SPECC1: variants seen among roughly 807,000 people sequenced by gnomAD.
SPECC1 encodes cytospin-B.
SPECC1 carries 62 observed loss-of-function variants against 104.1 expected under a neutral mutation model. That is an observed-to-expected ratio of 0.60 (90% CI 0.49 to 0.74). The LOEUF (loss-of-function observed/expected upper bound fraction) is 0.74. SPECC1 is among the 30% of genes least tolerant of loss of function. The pLI is 0.00. For missense variants in SPECC1, 1,306 were observed against 1,310.5 expected (o/e 1.00, Z 0.05); for synonymous variants, 513 against 501.6 (o/e 1.02, Z -0.30).
At chr17:20,276,499 A>G (rs1258091526) in intron 12 of SPECC1, among the ~76,000 whole-genome samples, 1 of 152,204 alleles carries the variant, frequency 6.6e-6, no homozygotes, top group Non-Finnish European at 1.5e-5. Context: ...TGTAATCTGA[A>G]AATTCCTCTA....
At chr17:20,076,117 A>G (rs956678549) in intron 1 of SPECC1, among the ~76,000 whole-genome samples, 2 of 152,156 alleles carry the variant, frequency 1.3e-5, no homozygotes, top group Non-Finnish European at 2.9e-5. Context: ...ACCCTGTTCT[A>G]AAAAAATTAT....
intron 12 of SPECC1, among the ~76,000 whole-genome samples, chr17:20,291,075 C>T (rs1339366126): frequency 6.6e-6 from 1 of 152,154 alleles, no homozygotes; most frequent in Non-Finnish European, 1.5e-5. Flanking sequence ...GAACCTGGCC[C>T]GTTTGGATGC....
chr17:20,149,780 G>A (rs1166863986), intron 3 of SPECC1, among the ~76,000 whole-genome samples: 9 of 151,898 alleles, frequency 5.9e-5, no homozygotes, highest in Admixed American at 3.3e-4. Flanking sequence ...GCTTTCTAGC[G>A]GAGTAAACTT....
At chr17:20,108,961 TA>T (rs1467200441) in intron 2 of SPECC1, among the ~76,000 whole-genome samples, 1 of 152,196 alleles carries the variant, frequency 6.6e-6, no homozygotes, top group East Asian at 1.9e-4. Flanking sequence ...TGCTTTCTTC[TA>T]TTTTCCAGCC....
chr17:20,226,742 G>T (rs2038232336), intron 4 of SPECC1, among the ~76,000 whole-genome samples: 1 of 152,206 alleles, frequency 6.6e-6, no homozygotes, highest in East Asian at 1.9e-4. Flanking sequence ...TTCTGTGTAT[G>T]TACGTTTTTG....
rs919549374 is a variant in SPECC1 at position 20,100,387 on chromosome 17, C to G, written c.147+3589C>G. Among the ~76,000 whole-genome samples, 5 of 152,140 alleles carry G rather than the reference C, an allele frequency of 3.3e-5. No homozygotes were observed. In the South Asian group the frequency reaches 8.3e-4, roughly 25 times the overall value. On this transcript the variant is annotated intron_variant, in intron 2 of 14. Coordinates refer to ENST00000395527, the MANE Select transcript of SPECC1 (RefSeq NM_001243439.2). ...GAGAGAAAGAGGAAATGGTGGTGGACAAAAAAGCAAGTAATTTTCCCTCCC... is the reference window on the plus strand; with the variant it reads ...GAGAGAAAGAGGAAATGGTGGTGGAGAAAAAAGCAAGTAATTTTCCCTCCC...
chr17:20,079,948 G>A (rs958765419), intron 1 of SPECC1, among the ~76,000 whole-genome samples: 5 of 152,040 alleles, frequency 3.3e-5, no homozygotes, highest in Admixed American at 3.3e-4. Context: ...CCCTTTCTCC[G>A]CACCCCTACC....
chr17:20,251,709 T>C (rs2039639625), intron 9 of SPECC1, among the ~76,000 whole-genome samples: 1 of 152,204 alleles, frequency 6.6e-6, no homozygotes. Context: ...AGAGAATCAG[T>C]AAAATAAATT....
chr17:20,179,038 A>G (rs2034674377), intron 3 of SPECC1, among the ~76,000 whole-genome samples: 2 of 152,232 alleles, frequency 1.3e-5, no homozygotes, highest in African/African-American at 2.4e-5. Context: ...ACTAATATAA[A>G]TCTTCTGTAT....
intron 2 of SPECC1, among the ~76,000 whole-genome samples, chr17:20,098,643 C>T (rs1473401935): frequency 1.3e-5 from 2 of 152,226 alleles, no homozygotes; most frequent in African/African-American, 2.4e-5. Flanking sequence ...AGCTGTCCTT[C>T]GGATTGCCAG....
At chr17:20,182,158 G>C (rs1317229660) in intron 3 of SPECC1, among the ~76,000 whole-genome samples, 1 of 127,446 alleles carries the variant, frequency 7.8e-6, no homozygotes, top group Admixed American at 9.1e-5. Context: ...CACTTTCCCA[G>C]GCTGGAGTGC....
At chr17:20,198,920 G>T (rs1009138981) in intron 3 of SPECC1, among the ~76,000 whole-genome samples, 2 of 151,882 alleles carry the variant, frequency 1.3e-5, no homozygotes, top group Non-Finnish European at 2.9e-5. Flanking sequence ...CTCAGTTTTT[G>T]CATGCTTTAA....
chr17:20,237,605 AC>A (rs1043562591), intron 7 of SPECC1: 8 of 195,598 alleles, frequency 4.1e-5, no homozygotes, highest in Non-Finnish European at 8.5e-5. Flanking sequence ...GAGCCACCGC[AC>A]CCAGAACCTA....
At chr17:20,123,221 A>G (rs943141942) in intron 3 of SPECC1, among the ~76,000 whole-genome samples, 3 of 152,240 alleles carry the variant, frequency 2.0e-5, no homozygotes, top group African/African-American at 7.2e-5. Context: ...GTGCCCATTT[A>G]GATGTTTCTT....
chr17:20,075,593 G>A (rs2046728042), intron 1 of SPECC1, among the ~76,000 whole-genome samples: 1 of 152,080 alleles, frequency 6.6e-6, no homozygotes, highest in African/African-American at 2.4e-5. Context: ...CTTGAGACCA[G>A]GAGTTCGAGA....
At chr17:20,264,840 A>G (rs1324157280) in intron 12 of SPECC1, among the ~76,000 whole-genome samples, 1 of 152,154 alleles carries the variant, frequency 6.6e-6, no homozygotes, top group African/African-American at 2.4e-5. Flanking sequence ...TATGTACTCA[A>G]CGTTTAGCTC....
chr17:20,260,778 C>T (rs1392938435), intron 12 of SPECC1, among the ~76,000 whole-genome samples: 1 of 152,084 alleles, frequency 6.6e-6, no homozygotes, highest in African/African-American at 2.4e-5. Flanking sequence ...AAGCAAAGTG[C>T]AGGAATTGAT....
chr17:20,227,112 A>G (rs1255977876), intron 4 of SPECC1, among the ~76,000 whole-genome samples: 1 of 152,198 alleles, frequency 6.6e-6, no homozygotes, highest in Non-Finnish European at 1.5e-5. Context: ...GAGGGGGCAC[A>G]GAATCCAGCC....
intron 2 of SPECC1, among the ~76,000 whole-genome samples, chr17:20,100,946 G>C (rs2047916972): frequency 6.6e-6 from 1 of 152,182 alleles, no homozygotes; most frequent in African/African-American, 2.4e-5. Context: ...TTAGTTTGCT[G>C]AGAATGATGG....
Sources: allele counts gnomAD v4.1 joint callset (sites outside exome capture counted in the v4.1 genomes callset), GRCh38; gene constraint gnomAD v4.1.1; transcripts MANE v1.5; gene names NCBI Gene and HGNC (gene_info 2026-07-23, HGNC 2026-07-21).